TRMT11: variants seen among roughly 807,000 people sequenced by gnomAD.
TRMT11 encodes tRNA methyltransferase 11.
TRMT11 carries 53 observed loss-of-function variants against 62.8 expected under a neutral mutation model. The observed-to-expected ratio is 0.84, with a 90% confidence interval of 0.68 to 1.06. The LOEUF (loss-of-function observed/expected upper bound fraction) is 1.06, where lower values mean the gene tolerates loss of function less well. Ranked by LOEUF, TRMT11 falls within the 50% of genes least tolerant of loss-of-function variation. The probability of loss-of-function intolerance (pLI) is 0.00; values close to 1 mark genes in which losing one functional copy is unlikely to be tolerated. For synonymous variants in TRMT11, 188 were observed against 190.3 expected, an observed-to-expected ratio of 0.99 and a Z score of 0.10; for missense variants, 556 against 553.4, an observed-to-expected ratio of 1.00 and a Z score of -0.05.
rs762892480 is a variant in TRMT11, at chr6:125,998,093, G to A, written c.253G>A (p.Glu85Lys). ...ATGGGGTCATGGACAATCTCCTGAGGAGCTGTACAGTTCTCTTAAAAACTA... is the reference window on the plus strand; with the variant it reads ...ATGGGGTCATGGACAATCTCCTGAGAAGCTGTACAGTTCTCTTAAAAACTA... ...ELWGHGQSPE[E>K]LYSSLKNYPV... The change falls in exon 4 of 13, where the codon GAG (glutamate) becomes AAG (lysine). Residue 85 changes from glutamate (E) to lysine (K), a missense_variant. By Grantham distance (56) the Glu-to-Lys change is moderately conservative. Transcript: ENST00000334379. The A allele has an allele frequency of 3.1e-6, 5 of 1,613,572 alleles. No homozygotes were observed. Among genetic ancestry groups the A allele is most frequent in the Non-Finnish European group, 4.2e-6 (5 of 1,179,722 alleles).
upstream of TRMT11, among the ~76,000 whole-genome samples, chr6:126,173,020 A>G (rs1778347661): frequency 1.3e-5 from 2 of 152,158 alleles, no homozygotes; most frequent in South Asian, 2.1e-4. Context: ...GAGGCCTCGC[A>G]ATGCCCTCAT....
chr6:126,094,521 G>A (rs867486206), intron 17 of TRMT11, among the ~76,000 whole-genome samples: 1 of 152,044 alleles, frequency 6.6e-6, no homozygotes, highest in Non-Finnish European at 1.5e-5. Flanking sequence ...AAAACCTTTG[G>A]CTTGTTTCGT....
chr6:126,240,952 C>A, the TRMT11 span, among the ~76,000 whole-genome samples: 2 of 152,362 alleles, frequency 1.3e-5, no homozygotes. Context: ...GCAGTTTGAT[C>A]TCAGACTGCT....
intron 21 of TRMT11, among the ~76,000 whole-genome samples, chr6:126,170,700 G>A (rs191512073): frequency 8.7e-4 from 133 of 152,158 alleles, no homozygotes; most frequent in African/African-American, 3.0e-3. Context: ...AAGATCTCCC[G>A]CTGATCTGTG....
intron 17 of TRMT11, among the ~76,000 whole-genome samples, chr6:126,093,623 A>ATTTTTT (rs1301464523): frequency 2.0e-5 from 2 of 101,196 alleles, no homozygotes; most frequent in African/African-American, 1.1e-4. Flanking sequence ...ATATATATAT[A>ATTTTTT]TATATATATT....
downstream of TRMT11, among the ~76,000 whole-genome samples, chr6:126,039,648 G>A (rs1413602548): frequency 6.6e-6 from 1 of 152,036 alleles, no homozygotes; most frequent in East Asian, 1.9e-4. Flanking sequence ...GAGAAACTTT[G>A]CTGAGTCCAC....
chr6:126,266,488 G>T, the TRMT11 span, among the ~76,000 whole-genome samples: 1 of 152,110 alleles, frequency 6.6e-6, no homozygotes, highest in African/African-American at 2.4e-5. Context: ...GGACATCCCA[G>T]AAATTCTGTC....
chr6:126,168,613 G>A (rs1259792193), intron 21 of TRMT11, among the ~76,000 whole-genome samples: 2 of 152,182 alleles, frequency 1.3e-5, no homozygotes, highest in Non-Finnish European at 2.9e-5. Context: ...CTGCCTCCTG[G>A]GTTCAAGCGA....
intron 12 of TRMT11, among the ~76,000 whole-genome samples, chr6:126,029,415 T>C (rs1239002508): frequency 6.6e-6 from 1 of 152,194 alleles, no homozygotes; most frequent in African/African-American, 2.4e-5. Context: ...ATGTAACCAC[T>C]ATTCTGACTG....
At chr6:125,991,942 G>T (rs1012888779) in intron 1 of TRMT11, among the ~76,000 whole-genome samples, 2 of 152,132 alleles carry the variant, frequency 1.3e-5, no homozygotes, top group African/African-American at 4.8e-5. Context: ...TGAAATAATA[G>T]AAAAGCTCAT....
intron 17 of TRMT11, among the ~76,000 whole-genome samples, chr6:126,073,414 T>C (rs1776915920): frequency 6.6e-6 from 1 of 152,198 alleles, no homozygotes; most frequent in South Asian, 2.1e-4. Context: ...AAATACATAT[T>C]GATAATTCCA....
At position 126,091,203 on chromosome 6, in the gene TRMT11, CAA is replaced by C. The variant is rs34621211; in HGVS notation, c.*1438-21647_*1438-21646del. ...TGGGTGACAGAGCGAGACTCCATCTCAAAAAAAAAAAAAAAAATTTAGCTTAG... is the reference window on the plus strand; with the variant it reads ...TGGGTGACAGAGCGAGACTCCATCTCAAAAAAAAAAAAAAATTTAGCTTAG... On this transcript the variant is annotated intron_variant and NMD_transcript_variant, in intron 17 of 22. Transcript: ENST00000648977. Among the ~76,000 whole-genome samples, 1,016 of 132,286 alleles carry C rather than the reference CAA, an allele frequency of 7.7e-3. 9 individuals are homozygous for C. The highest frequency in any genetic ancestry group is 0.023 in the African/African-American group (804 of 35,190). The allele number at this position is 132,286 out of a possible 152,430, so 86.8% of individuals were successfully genotyped here. A position where few individuals can be genotyped will look rare whatever the true frequency, so the allele number is the denominator to read the frequency against.
intron 21 of TRMT11, among the ~76,000 whole-genome samples, chr6:126,156,770 G>C (rs531615144): frequency 6.6e-6 from 1 of 152,200 alleles, no homozygotes; most frequent in African/African-American, 2.4e-5. Flanking sequence ...AATCTAGCAA[G>C]AATTTGCTTA....
At chr6:126,259,595 A>G in the TRMT11 span, among the ~76,000 whole-genome samples, 1 of 152,222 alleles carries the variant, frequency 6.6e-6, no homozygotes, top group Non-Finnish European at 1.5e-5. Context: ...GTATGTGTGC[A>G]TGTGTCTTTA....
chr6:126,167,311 C>A (rs188417197), intron 21 of TRMT11, among the ~76,000 whole-genome samples: 171 of 152,306 alleles, frequency 1.1e-3, no homozygotes, highest in African/African-American at 3.9e-3. Context: ...GTGTCTGGGC[C>A]AGATAGCACT....
chr6:125,996,410 T>C (rs1311374302), intron 3 of TRMT11, among the ~76,000 whole-genome samples: 8 of 152,206 alleles, frequency 5.3e-5, no homozygotes, highest in Non-Finnish European at 1.0e-4. Flanking sequence ...ATGAGCAGAT[T>C]AGTGAAGTGT....
intron 21 of TRMT11, among the ~76,000 whole-genome samples, chr6:126,159,077 T>C (rs1778157809): frequency 6.6e-6 from 1 of 151,992 alleles, no homozygotes. Flanking sequence ...TAATTTTTCT[T>C]CTAAATGTCT....
chr6:126,172,530 A>AT (rs1298917416), upstream of TRMT11, among the ~76,000 whole-genome samples: 5 of 152,146 alleles, frequency 3.3e-5, no homozygotes, highest in Admixed American at 2.6e-4. Flanking sequence ...CTCAACAAAT[A>AT]TTTCCTCACA....
At chr6:126,056,449 C>G (rs961964852) in intron 17 of TRMT11, among the ~76,000 whole-genome samples, 2 of 152,184 alleles carry the variant, frequency 1.3e-5, no homozygotes, top group East Asian at 3.9e-4. Flanking sequence ...TTCAGATCCT[C>G]TCTTGAATTC....
Sources: gnomAD v4.1 joint callset for allele counts (sites outside exome capture counted in the v4.1 genomes callset) on GRCh38, gnomAD v4.1.1 for gene constraint, MANE v1.5 for transcripts, NCBI Gene and HGNC (gene_info 2026-07-23, HGNC 2026-07-21) for gene names.